Variants in PDE4D observed in about 807,000 individuals in gnomAD.
PDE4D encodes phosphodiesterase 4D.
In PDE4D, 24 loss-of-function variants were observed where a neutral mutation model predicts 87.4. The observed-to-expected ratio is 0.27, with a 90% CI of 0.20 to 0.39. The LOEUF (loss-of-function observed/expected upper bound fraction) is 0.39. PDE4D is among the 10% of genes least tolerant of loss of function. PDE4D has a pLI of 1.00. For missense variants in PDE4D, 714 were observed against 1,041.0 expected (o/e 0.69, Z 4.32); for synonymous variants, 384 against 383.2 (o/e 1.00, Z -0.02).
At chr5:59,416,226 T>G (rs1418192120) in intron 1 of PDE4D, among the ~76,000 whole-genome samples, 1 of 152,230 alleles carries the variant, frequency 6.6e-6, no homozygotes, top group Non-Finnish European at 1.5e-5. Flanking sequence ...CACATCTGTT[T>G]CTGTCTTTCA....
chr5:60,129,166 T>C (rs1018406653), intron 2 of PDE4D, among the ~76,000 whole-genome samples: 4 of 152,224 alleles, frequency 2.6e-5, no homozygotes, highest in African/African-American at 9.6e-5. Flanking sequence ...GCACTAAAAT[T>C]TATTTAAAAT....
chr5:59,816,904 A>G (rs1467446912), intron 1 of PDE4D, among the ~76,000 whole-genome samples: 1 of 152,140 alleles, frequency 6.6e-6, no homozygotes, highest in African/African-American at 2.4e-5. Context: ...CCAAATGCAA[A>G]TTTGTTCCTA....
chr5:59,145,345 T>C, intron 5 of PDE4D, among the ~76,000 whole-genome samples: 1 of 152,190 alleles, frequency 6.6e-6, no homozygotes, highest in East Asian at 1.9e-4. Flanking sequence ...CATCTTCTTC[T>C]GGTTCTTGGT....
intron 1 of PDE4D, among the ~76,000 whole-genome samples, chr5:59,339,599 A>C (rs1778348414): frequency 6.6e-6 from 1 of 152,204 alleles, no homozygotes; most frequent in African/African-American, 2.4e-5. Context: ...AAAATGATTT[A>C]AGTATAGAAC....
At chr5:59,826,477 G>A (rs148018455) in intron 1 of PDE4D, among the ~76,000 whole-genome samples, 11 of 151,674 alleles carry the variant, frequency 7.3e-5, no homozygotes, top group Non-Finnish European at 1.5e-4. Flanking sequence ...CTGCAAAGTC[G>A]GAACTATCAT....
intron 1 of PDE4D, among the ~76,000 whole-genome samples, chr5:60,370,529 TA>T: frequency 6.6e-6 from 1 of 152,254 alleles, no homozygotes; most frequent in Middle Eastern, 3.4e-3. Context: ...AAGGAAGTAA[TA>T]AGAAGAAAGA....
At chr5:58,986,785 GAGC>G (rs1027344977) in intron 11 of PDE4D, among the ~76,000 whole-genome samples, 1 of 152,112 alleles carries the variant, frequency 6.6e-6, no homozygotes, top group Non-Finnish European at 1.5e-5. Context: ...ATGAAGAATA[GAGC>G]AGGTCCTCAT....
chr5:60,283,436 T>C (rs1752129593), intron 1 of PDE4D, among the ~76,000 whole-genome samples: 1 of 152,222 alleles, frequency 6.6e-6, no homozygotes, highest in East Asian at 1.9e-4. Context: ...TCCTAATCAT[T>C]TGATGTAATT....
chr5:59,815,095 T>C (rs1455902741), intron 1 of PDE4D, among the ~76,000 whole-genome samples: 1 of 152,082 alleles, frequency 6.6e-6, no homozygotes, highest in East Asian at 1.9e-4. Flanking sequence ...TGAGAGATAA[T>C]TGTGGTAGAG....
At chr5:59,422,855 C>T (rs1283269440) in intron 1 of PDE4D, among the ~76,000 whole-genome samples, 2 of 152,130 alleles carry the variant, frequency 1.3e-5, no homozygotes, top group African/African-American at 2.4e-5. Flanking sequence ...TAAACTCTAG[C>T]AGTTGGGAAT....
intron 1 of PDE4D, among the ~76,000 whole-genome samples, chr5:60,316,394 A>T (rs1001186272): frequency 9.9e-5 from 15 of 152,234 alleles, no homozygotes; most frequent in Admixed American, 3.9e-4. Context: ...GGCTGAGACG[A>T]TGGGGTTTTC....
intron 1 of PDE4D, among the ~76,000 whole-genome samples, chr5:59,623,071 T>C (rs989299917): frequency 2.0e-5 from 3 of 152,184 alleles, no homozygotes; most frequent in Admixed American, 2.0e-4. Flanking sequence ...ACACTAACCT[T>C]ATTAAATGAG....
chr5:59,449,499 G>C (rs1167458194), intron 1 of PDE4D, among the ~76,000 whole-genome samples: 2 of 151,990 alleles, frequency 1.3e-5, no homozygotes, highest in Non-Finnish European at 2.9e-5. Context: ...TTTAACCTTG[G>C]AGCCTTTATA....
At chr5:59,337,356 C>T (rs546845986) in intron 1 of PDE4D, among the ~76,000 whole-genome samples, 4 of 128,164 alleles carry the variant, frequency 3.1e-5, no homozygotes, top group Admixed American at 8.7e-5. Context: ...TTTTTTGACA[C>T]GGAGTCTCGC....
chr5:60,162,239 AT>A (rs1782527938), intron 2 of PDE4D, among the ~76,000 whole-genome samples: 1 of 152,150 alleles, frequency 6.6e-6, no homozygotes, highest in Non-Finnish European at 1.5e-5. Context: ...TATATGGAAG[AT>A]TAGCATAGTG....
intron 2 of PDE4D, among the ~76,000 whole-genome samples, chr5:59,207,353 A>G (rs1470081866): frequency 6.6e-6 from 1 of 152,054 alleles, no homozygotes; most frequent in Non-Finnish European, 1.5e-5. Flanking sequence ...GGGTGAACCA[A>G]TATCTCTCCT....
chr5:59,817,664 C>T (rs191025847), intron 1 of PDE4D, among the ~76,000 whole-genome samples: 48 of 152,092 alleles, frequency 3.2e-4, no homozygotes, highest in African/African-American at 1.1e-3. Context: ...CCTAATCTGA[C>T]CTTATAAGAA....
At chr5:59,280,256 A>T (rs1765577699) in intron 1 of PDE4D, among the ~76,000 whole-genome samples, 1 of 152,108 alleles carries the variant, frequency 6.6e-6, no homozygotes, top group South Asian at 2.1e-4. Context: ...TTAATAAATG[A>T]TCATTTTAAA....
At chr5:59,090,194 GTTTCATCATATCTTTC>G (rs1259283566) in intron 5 of PDE4D, among the ~76,000 whole-genome samples, 1 of 152,082 alleles carries the variant, frequency 6.6e-6, no homozygotes, top group Non-Finnish European at 1.5e-5. Context: ...AGCATATAAA[GTTTCATCATATCTTTC>G]TTTTGAAAAA....
Sources: allele counts gnomAD v4.1 joint callset (sites outside exome capture counted in the v4.1 genomes callset), GRCh38; gene constraint gnomAD v4.1.1; transcripts MANE v1.5; gene names NCBI Gene and HGNC (gene_info 2026-07-23, HGNC 2026-07-21).